The following EML2 variants were observed in gnomAD, a reference collection of about 807,000 sequenced individuals.
EML2 encodes EMAP like 2.
A neutral mutation model predicts 84.7 loss-of-function variants in EML2; 59 were observed. That is an observed-to-expected ratio of 0.70 (90% CI 0.56 to 0.86). The LOEUF is 0.86. EML2 is among the 40% of genes least tolerant of loss of function. The pLI is 0.00. For synonymous variants in EML2, 352 were observed against 348.9 expected (o/e 1.01, Z -0.10); for missense variants, 818 against 855.6 (o/e 0.96, Z 0.55).
chr19:45,641,523 G>A (rs1405618096), upstream of EML2: 1 of 1,017,104 alleles, frequency 9.8e-7, no homozygotes, highest in Non-Finnish European at 1.4e-6. Flanking sequence ...CACCGTCCCC[G>A]CTTTTGAACT....
chr19:45,616,416 CCTGGGCGGGGTGGCGGCGCGGG>C, intron 15 of EML2, 23 bp downstream of exon 15: 1 of 1,477,594 alleles, frequency 6.8e-7, no homozygotes, highest in Admixed American at 2.0e-5. Context: ...TTTTGCACCC[CCTGGGCGGGGTGGCGGCGCGGG>C]CTGGGGGCCA....
chr19:45,614,137 C>T (rs1970772557), intron 17 of EML2, among the ~76,000 whole-genome samples: 1 of 152,328 alleles, frequency 6.6e-6, no homozygotes, highest in Non-Finnish European at 1.5e-5. Flanking sequence ...CCAGGAAGCC[C>T]TCCCTGATTC....
intron 8 of EML2, among the ~76,000 whole-genome samples, chr19:45,625,606 C>T (rs1972218498): frequency 6.6e-6 from 1 of 152,188 alleles, no homozygotes; most frequent in Non-Finnish European, 1.5e-5. Flanking sequence ...CCTCCCTCCT[C>T]ACCTCCAGTC....
intron 13 of EML2, 147 bp from the exon 14 acceptor site, chr19:45,617,000 C>T (rs967647529): frequency 3.0e-5 from 19 of 636,758 alleles, no homozygotes; most frequent in Non-Finnish European, 5.1e-5. Context: ...AATCCCAGCA[C>T]GCTGGGAGGC....
chr19:45,644,103 C>T (rs1255172691), upstream of EML2, among the ~76,000 whole-genome samples: 1 of 152,222 alleles, frequency 6.6e-6, no homozygotes, highest in Non-Finnish European at 1.5e-5. Flanking sequence ...TGTGAGCTTA[C>T]ATGTGCCAGG....
In EML2 at chr19:45,624,740, T is replaced by A; in HGVS notation, c.820A>T (p.Asn274Tyr). Residue 274 changes from asparagine to tyrosine, a missense_variant, in exon 9 of 19, where the codon AAC becomes TAC. Physicochemically the swap from Asn to Tyr is moderately radical, Grantham distance 143. Coordinates refer to ENST00000245925, the MANE Select transcript of EML2 (RefSeq NM_012155.4). ...TGACCTTTGCCCCAAACATAGAGGT[T>A]CCCCCCAGAGTCCCCCGTGACCACG... is the stretch of plus-strand genomic sequence containing the variant. ...GDVVTGDSGG[N>Y]LYVWGKGGNR... 1 of 1,613,414 alleles carries A rather than the reference T, an allele frequency of 6.2e-7. No homozygotes were observed. Among genetic ancestry groups the A allele is most frequent in the Non-Finnish European group, 8.5e-7 (1 of 1,179,798 alleles).
chr19:45,615,758 AAT>A (rs1304857299), intron 16 of EML2, 42 bp downstream of exon 16: 3 of 1,539,296 alleles, frequency 1.9e-6, no homozygotes. Flanking sequence ...GAAGTCTGCA[AAT>A]GAGACGGAGG....
At chr19:45,643,437 G>GCCCCCCCCAC, upstream of EML2, 1 of 859,314 alleles carries the variant, frequency 1.2e-6, no homozygotes, top group Non-Finnish European at 1.7e-6. Flanking sequence ...TGTACCCCGC[G>GCCCCCCCCAC]CCCCAGATTT....
intron 17 of EML2, 106 bp downstream of exon 17, chr19:45,614,499 T>C (rs1465584603): frequency 1.1e-6 from 1 of 929,944 alleles, no homozygotes; most frequent in African/African-American, 1.6e-5. Context: ...AGTAAAGCAG[T>C]GAGCTTCCCA....
upstream of EML2, chr19:45,642,322 T>G: frequency 6.5e-7 from 1 of 1,534,540 alleles, no homozygotes; most frequent in Non-Finnish European, 8.7e-7. Context: ...GTCGTCCACT[T>G]CCATACCGCT....
At position 45,631,884 on chromosome 19, in the gene EML2, A is replaced by ATTTTTTTTTTT. The variant is rs755529171; in HGVS notation, c.510+966_510+976dup. 1.2e-3 allele frequency among the ~76,000 whole-genome samples: 112 copies of ATTTTTTTTTTT among 90,322 alleles called. 8 individuals are homozygous for ATTTTTTTTTTT. Among genetic ancestry groups the ATTTTTTTTTTT allele is most frequent in the African/African-American group, 4.5e-3 (107 of 23,578 alleles). 59.3% of individuals were successfully genotyped at this position (90,322 alleles called of 152,430 possible). On this transcript the variant is annotated intron_variant, in intron 6 of 18. Coordinates refer to ENST00000245925, the MANE Select transcript of EML2 (RefSeq NM_012155.4). The stretch of plus-strand genomic sequence containing the variant: ...ACACTAGTACACCCAGCTAATTAGA[A>ATTTTTTTTTTT]TTTTTTTTTTTTTTTTTTTTTTTTT...
chr19:45,632,100 G>A (rs1325497805), intron 6 of EML2, among the ~76,000 whole-genome samples: 1 of 150,954 alleles, frequency 6.6e-6, no homozygotes, highest in African/African-American at 2.4e-5. Context: ...TCACCATGTT[G>A]GCCAGGCTGG....
At chr19:45,616,113 A>G (rs1236643419) in intron 15 of EML2, 1 of 580,470 alleles carries the variant, frequency 1.7e-6, no homozygotes, top group Admixed American at 3.0e-5. Context: ...CACTTAGAAC[A>G]CAATGGGAGT....
At position 45,637,675 on chromosome 19, in the gene EML2, T is replaced by TC. The variant is rs1568486873; in HGVS notation, c.179+829_179+830insG. Reference sequence around the variant, plus strand: ...TTTTTTCTTTTTCTTTTCTTTTTTTTTTTTTTTTTTTTTTTTTTGAGACGG... The same window carrying TC: ...TTTTTTCTTTTTCTTTTCTTTTTTTTCTTTTTTTTTTTTTTTTTTGAGACGG... On this transcript the variant is annotated intron_variant, in intron 3 of 18. Transcript: ENST00000245925. Among the ~76,000 whole-genome samples the TC allele has an allele frequency of 6.6e-4, 54 of 81,228 alleles. 1 individual carries two copies. The highest frequency in any genetic ancestry group is 1.3e-3 in the Non-Finnish European group (44 of 33,684). 53.3% of individuals were successfully genotyped at this position (81,228 alleles called of 152,430 possible). A position where few individuals can be genotyped will look rare whatever the true frequency, so the allele number is the denominator to read the frequency against.
upstream of EML2, chr19:45,641,757 G>T (rs776761360): frequency 6.5e-7 from 1 of 1,536,082 alleles, no homozygotes; most frequent in Non-Finnish European, 8.7e-7. Context: ...TGCTAAAAGA[G>T]AGCACACAGG....
At chr19:45,639,021 G>A (rs1269737658) in intron 1 of EML2, 148 bp from the exon 2 acceptor site, 5 of 958,418 alleles carry the variant, frequency 5.2e-6, no homozygotes, top group East Asian at 2.4e-5. Context: ...TCTGCAGGCC[G>A]TGTGCTTTGC....
chr19:45,625,678 G>A (rs1015195080), intron 8 of EML2, among the ~76,000 whole-genome samples: 16 of 151,956 alleles, frequency 1.1e-4, no homozygotes, highest in East Asian at 3.9e-4. Flanking sequence ...TTTCATCTCC[G>A]TGCCCAGTGT....
chr19:45,626,681 G>A lies in EML2; in HGVS notation c.741+24C>T, dbSNP rs755611143. The A allele has an allele frequency of 3.1e-6, 5 of 1,596,118 alleles. No individual in the cohort carries two copies. In the African/African-American group the frequency reaches 4.0e-5, roughly 13 times the overall value. ...TAACTACCTCTCTCAGGGCCAGCCT[G>A]TCCCCCAAACCCCTGGCACTCACCT... On this transcript the variant is annotated intron_variant, in intron 8 of 18. Coordinates refer to ENST00000245925, the MANE Select transcript of EML2 (RefSeq NM_012155.4).
At chr19:45,636,601 G>A (rs943524566) in intron 3 of EML2, among the ~76,000 whole-genome samples, 2 of 152,280 alleles carry the variant, frequency 1.3e-5, no homozygotes, top group South Asian at 4.1e-4. Flanking sequence ...GCAGGCAGAT[G>A]CTGTCATGGT....
Sources: allele counts gnomAD v4.1 joint callset (sites outside exome capture counted in the v4.1 genomes callset), GRCh38; gene constraint gnomAD v4.1.1; transcripts MANE v1.5; gene names NCBI Gene and HGNC (gene_info 2026-07-23, HGNC 2026-07-21).